CD8B: variants seen among roughly 807,000 people sequenced by gnomAD.
CD8B encodes the protein CD8 subunit beta.
Under a neutral mutation model 24.2 loss-of-function variants are expected in CD8B, and 6 were observed. The ratio of observed to expected loss-of-function variants is 0.25; its 90% CI spans 0.14 to 0.49. The LOEUF (loss-of-function observed/expected upper bound fraction) is 0.49. CD8B is among the 20% of genes least tolerant of loss of function. The pLI is 0.98. For synonymous variants in CD8B, 84 were observed against 108.3 expected (o/e 0.78, Z 1.39); for missense variants, 196 against 271.3 (o/e 0.72, Z 1.95).
At chr2:86,821,983 C>T (rs896456959) in intron 5 of CD8B, among the ~76,000 whole-genome samples, 2 of 152,160 alleles carry the variant, frequency 1.3e-5, no homozygotes, top group African/African-American at 4.8e-5. Flanking sequence ...GTATGTCTGC[C>T]CTGTGGCTTC....
At chr2:86,861,037 G>C (rs199817496) in intron 1 of CD8B, among the ~76,000 whole-genome samples, 1,552 of 117,708 alleles carry the variant, frequency 0.013, no homozygotes, top group South Asian at 0.021. Context: ...GGCCTGGGCT[G>C]TTTCTATTTA....
At chr2:86,857,407 T>G (rs1218439244) in intron 2 of CD8B, among the ~76,000 whole-genome samples, 1 of 152,176 alleles carries the variant, frequency 6.6e-6, no homozygotes, top group Non-Finnish European at 1.5e-5. Context: ...AGGACAGCAC[T>G]GCCCTGTCCC....
chr2:86,836,107 C>T (rs1030799727), downstream of CD8B, among the ~76,000 whole-genome samples: 4 of 149,966 alleles, frequency 2.7e-5, no homozygotes, highest in African/African-American at 9.8e-5. Context: ...CCTTGAGGAG[C>T]ACAGAAAGGT....
intron 5 of CD8B, among the ~76,000 whole-genome samples, chr2:86,828,706 C>G (rs1674787297): frequency 6.6e-6 from 1 of 152,118 alleles, no homozygotes; most frequent in Admixed American, 6.5e-5. Context: ...AAGGAAAAAT[C>G]TAAGAAACAC....
chr2:86,822,059 C>G (rs1674500543), intron 5 of CD8B, among the ~76,000 whole-genome samples: 1 of 152,162 alleles, frequency 6.6e-6, no homozygotes, highest in South Asian at 2.1e-4. Flanking sequence ...CCCTGACTTG[C>G]CCCAGTCACA....
intron 5 of CD8B, among the ~76,000 whole-genome samples, chr2:86,831,260 T>C (rs1195570899): frequency 6.6e-6 from 1 of 152,246 alleles, no homozygotes; most frequent in South Asian, 2.1e-4. Context: ...TAGAAACGGG[T>C]TTCACCATAT....
intron 2 of CD8B, among the ~76,000 whole-genome samples, chr2:86,857,784 C>T (rs187428763): frequency 5.3e-5 from 8 of 152,248 alleles, no homozygotes; most frequent in South Asian, 4.2e-4. Context: ...GACTCTGGCC[C>T]GTCTCTTCTA....
intron 3 of CD8B, among the ~76,000 whole-genome samples, chr2:86,848,701 A>ATTAATTAATTAATTAT (rs58311096): frequency 6.8e-5 from 4 of 58,880 alleles, no homozygotes; most frequent in Non-Finnish European, 1.2e-4. Flanking sequence ...GTATTTTTAA[A>ATTAATTAATTAATTAT]TTATTTATTT....
intron 4 of CD8B, 34 bp downstream of exon 4, chr2:86,846,648 CAG>C (rs1675690284): frequency 9.1e-7 from 1 of 1,098,020 alleles, no homozygotes; most frequent in Admixed American, 2.4e-5. Context: ...AAACAGCAAA[CAG>C]GGACACCCAA....
At chr2:86,826,472 G>A (rs1313968067) in intron 5 of CD8B, among the ~76,000 whole-genome samples, 1 of 152,088 alleles carries the variant, frequency 6.6e-6, no homozygotes, top group East Asian at 1.9e-4. Context: ...TGGAGGTTTG[G>A]GGCCAGGAGA....
At chr2:86,821,876 G>A (rs1674491654) in intron 5 of CD8B, 3 of 259,870 alleles carry the variant, frequency 1.2e-5, no homozygotes, top group South Asian at 1.0e-4. Flanking sequence ...GCTCCAGCTC[G>A]TTCTGCCTTC....
At chr2:86,829,213 G>A (rs11895860) in intron 5 of CD8B, among the ~76,000 whole-genome samples, 49,053 of 145,862 alleles carry the variant, frequency 0.34, 8,710 homozygotes, top group East Asian at 0.77. Context: ...GATTTCCCCC[G>A]CCTTAGCCTC....
downstream of CD8B, among the ~76,000 whole-genome samples, chr2:86,837,599 T>A (rs1253275933): frequency 6.7e-6 from 1 of 148,618 alleles, no homozygotes; most frequent in Non-Finnish European, 1.5e-5. Flanking sequence ...CGGATCAGCT[T>A]TGCAGCCCAC....
At chr2:86,818,298 A>C (rs944651415) in intron 5 of CD8B, among the ~76,000 whole-genome samples, 2 of 152,222 alleles carry the variant, frequency 1.3e-5, no homozygotes, top group Admixed American at 6.5e-5. Context: ...GCTGTGTTCC[A>C]GGCACTGTTT....
intron 3 of CD8B, among the ~76,000 whole-genome samples, chr2:86,848,726 T>TTATTTATTTATTTATTTATA (rs1675819564): frequency 8.0e-6 from 1 of 124,928 alleles, no homozygotes; most frequent in Admixed American, 8.5e-5. Flanking sequence ...ATTTATTTAT[T>TTATTTATTTATTTATTTATA]TATTTTTGAG....
In CD8B at chr2:86,831,093, G is replaced by A. The variant is rs374352456; in HGVS notation, c.620+13829C>T. On this transcript the variant is annotated intron_variant, in intron 5 of 5. Coordinates refer to the CD8B transcript ENST00000331469. ...ATTTTTGTTTGTTTGTTTTTGAGACGGAGTCTTGCTGTGTTGTCCAGGCTG... is the reference window on the plus strand; with the variant it reads ...ATTTTTGTTTGTTTGTTTTTGAGACAGAGTCTTGCTGTGTTGTCCAGGCTG... Among the ~76,000 whole-genome samples, 53 of 152,080 alleles carry A rather than the reference G, an allele frequency of 3.5e-4. No individual in the cohort carries two copies. In the South Asian group the frequency reaches 7.5e-3, roughly 22 times the overall value.
Position 86,841,612 on chromosome 2 carries a change from T to C in CD8B, c.*695A>G, listed in dbSNP as rs2104538874. The C allele has an allele frequency of 1.0e-6, 1 of 985,064 alleles. No homozygotes were observed. The highest frequency in any genetic ancestry group is 1.1e-4 in the East Asian group (1 of 8,800). 61.0% of individuals were successfully genotyped at this position (985,064 alleles called of 1,614,324 possible). ...TATCTTTAACCTGGGACTTTATTTG[T>C]ACAACTAAGACATTTGTATAAAACA... On this transcript the variant is annotated 3_prime_UTR_variant, in exon 6 of 6. Coordinates refer to ENST00000390655, the MANE Select transcript of CD8B (RefSeq NM_004931.5).
downstream of CD8B, among the ~76,000 whole-genome samples, chr2:86,836,605 G>A (rs1374957343): frequency 1.3e-5 from 2 of 152,058 alleles, no homozygotes; most frequent in African/African-American, 4.8e-5. Flanking sequence ...GGGCAACATA[G>A]CGAGACCTCA....
chr2:86,846,089 G>A (rs1300293523), intron 4 of CD8B, among the ~76,000 whole-genome samples: 1 of 152,154 alleles, frequency 6.6e-6, no homozygotes, highest in East Asian at 1.9e-4. Context: ...CTCCCCTCTG[G>A]CTCCCCGTCT....
Sources: gnomAD v4.1 joint callset for allele counts (sites outside exome capture counted in the v4.1 genomes callset) on GRCh38, gnomAD v4.1.1 for gene constraint, MANE v1.5 for transcripts, NCBI Gene and HGNC (gene_info 2026-07-23, HGNC 2026-07-21) for gene names.